The following CNTN5 variants were observed in gnomAD, a reference collection of about 807,000 sequenced individuals.
The protein encoded by CNTN5 is contactin-5.
In CNTN5, 77 loss-of-function variants were observed where a neutral mutation model predicts 129.1. The ratio of observed to expected loss-of-function variants is 0.60; its 90% CI spans 0.50 to 0.72. CNTN5 has a LOEUF of 0.72. Ranked by LOEUF, CNTN5 falls within the 30% of genes least tolerant of loss-of-function variation. CNTN5 has a pLI of 0.00. For synonymous variants in CNTN5, 509 were observed against 465.6 expected (o/e 1.09, Z -1.20); for missense variants, 1,478 against 1,328.8 (o/e 1.11, Z -1.75).
chr11:100,052,175 C>T (rs767031606), intron 9 of CNTN5, among the ~76,000 whole-genome samples: 4 of 151,784 alleles, frequency 2.6e-5, no homozygotes, highest in Admixed American at 2.6e-4. Flanking sequence ...ATAACAAAAT[C>T]CATTATACAC....
chr11:99,636,172 A>C (rs1042645383), intron 3 of CNTN5, among the ~76,000 whole-genome samples: 1 of 152,114 alleles, frequency 6.6e-6, no homozygotes, highest in East Asian at 1.9e-4. Context: ...TAAATCATCT[A>C]AGAACAAAAA....
intron 1 of CNTN5, among the ~76,000 whole-genome samples, chr11:99,173,243 G>C (rs1857616299): frequency 6.6e-6 from 1 of 152,136 alleles, no homozygotes. Context: ...CCTCAAATAA[G>C]AGGACTTTTT....
At chr11:99,552,207 G>GTTTTTTTTTTTTTTTT (rs758718492) in intron 2 of CNTN5, among the ~76,000 whole-genome samples, 3 of 146,742 alleles carry the variant, frequency 2.0e-5, no homozygotes, top group African/African-American at 5.1e-5. Flanking sequence ...CACCTGGTCA[G>GTTTTTTTTTTTTTTTT]TTTTTGTGTT....
chr11:99,613,995 T>C (rs1379554782), intron 3 of CNTN5, among the ~76,000 whole-genome samples: 1 of 152,240 alleles, frequency 6.6e-6, no homozygotes, highest in Non-Finnish European at 1.5e-5. Flanking sequence ...AGAATAATTA[T>C]AAAACTCTGT....
intron 3 of CNTN5, among the ~76,000 whole-genome samples, chr11:99,620,960 A>G (rs1001414225): frequency 4.8e-5 from 7 of 145,362 alleles, no homozygotes; most frequent in East Asian, 2.1e-4. Context: ...AAATAATTCA[A>G]TGGATACTTG....
intron 16 of CNTN5, among the ~76,000 whole-genome samples, chr11:100,252,470 A>C (rs1949983006): frequency 6.6e-6 from 1 of 152,050 alleles, no homozygotes; most frequent in Non-Finnish European, 1.5e-5. Context: ...TTGAGATCTT[A>C]TTCATAAAAT....
chr11:100,084,144 T>C (rs563936090), intron 13 of CNTN5, among the ~76,000 whole-genome samples: 1 of 152,302 alleles, frequency 6.6e-6, no homozygotes, highest in Admixed American at 6.5e-5. Context: ...TACTATAAAT[T>C]GCTTCACAAG....
chr11:99,275,512 C>G lies in CNTN5; in HGVS notation c.-209-49834C>G, dbSNP rs75065740. ...GTGATTATACTTGTTAGGTCTTTCT[C>G]CAACAAAACATCTCAAAACTCATTA... is the stretch of plus-strand genomic sequence containing the variant. On this transcript the variant is annotated intron_variant, in intron 1 of 24. Coordinates refer to ENST00000524871, the MANE Select transcript of CNTN5 (RefSeq NM_014361.4). Among the ~76,000 whole-genome samples, 6 of 151,710 alleles carry G rather than the reference C, an allele frequency of 4.0e-5. No homozygotes were observed. In the South Asian group the frequency reaches 6.2e-4, roughly 16 times the overall value.
chr11:100,112,134 T>C (rs1565251837), intron 13 of CNTN5, among the ~76,000 whole-genome samples: 1 of 152,136 alleles, frequency 6.6e-6, no homozygotes, highest in Non-Finnish European at 1.5e-5. Context: ...GAGTGGAAGA[T>C]GCCTGTGTAA....
At chr11:99,472,649 A>G (rs1945219846) in intron 2 of CNTN5, among the ~76,000 whole-genome samples, 1 of 152,040 alleles carries the variant, frequency 6.6e-6, no homozygotes, top group Non-Finnish European at 1.5e-5. Context: ...TACATGCATT[A>G]GCATATTTCT....
In CNTN5 at chr11:99,844,962, G is replaced by T. The variant is rs760431196; in HGVS notation, c.388G>T (p.Val130Phe). 6 of 1,613,268 alleles carry T rather than the reference G, an allele frequency of 3.7e-6. No individual in the cohort carries two copies. The South Asian group carries it at 6.6e-5, about 18-fold the overall frequency. ...GAATTGTGAAGTTCGTGGCAATCCA[G>T]TTCCCAGTTACAGGTAGGAATTCAC... Reference protein sequence around the residue: ...ALNCEVRGNPVPSYRWLRNGT... With the variant: ...ALNCEVRGNPFPSYRWLRNGT... Residue 130 changes from valine (V) to phenylalanine (F), a missense_variant, in exon 5 of 25, where the codon GTT (valine) becomes TTT (phenylalanine). Transcript: ENST00000524871.
rs551191643 is a variant in CNTN5 at position 100,341,987 on chromosome 11, T to G, written c.3030+782T>G. ...TTCAACTGAAAGCTATCATTATAGG[T>G]GGGTTTTCAACTATCAGAGATGGTA... On this transcript the variant is annotated intron_variant, in intron 23 of 24. Coordinates refer to ENST00000524871, the MANE Select transcript of CNTN5 (RefSeq NM_014361.4). Among the ~76,000 whole-genome samples, 33 of 151,974 alleles carry G rather than the reference T, an allele frequency of 2.2e-4. 2 individuals are homozygous for G. The highest frequency in any genetic ancestry group is 6.5e-4 in the African/African-American group (27 of 41,500).
At chr11:99,059,724 T>G (rs1421890556) in intron 1 of CNTN5, among the ~76,000 whole-genome samples, 1 of 152,120 alleles carries the variant, frequency 6.6e-6, no homozygotes, top group Non-Finnish European at 1.5e-5. Context: ...CTGTTTCATC[T>G]TCTCTCATTA....
At chr11:100,210,819 A>C (rs2138585555) in intron 15 of CNTN5, among the ~76,000 whole-genome samples, 1 of 152,320 alleles carries the variant, frequency 6.6e-6, no homozygotes, top group South Asian at 2.1e-4. Flanking sequence ...TCAATACATA[A>C]AATCAAAAAG....
chr11:99,998,815 C>T (rs1256341277), intron 8 of CNTN5, among the ~76,000 whole-genome samples: 10 of 150,906 alleles, frequency 6.6e-5, no homozygotes, highest in East Asian at 3.9e-4. Context: ...GAGATATAGA[C>T]CAATGGAACA....
chr11:99,152,216 A>G (rs1195173672), intron 1 of CNTN5, among the ~76,000 whole-genome samples: 1 of 152,206 alleles, frequency 6.6e-6, no homozygotes, highest in Non-Finnish European at 1.5e-5. Context: ...TACACTTTCT[A>G]TAATATTTGA....
chr11:99,228,093 A>T (rs551571817), intron 1 of CNTN5, among the ~76,000 whole-genome samples: 1 of 152,242 alleles, frequency 6.6e-6, no homozygotes, highest in African/African-American at 2.4e-5. Context: ...AAAGAGAATT[A>T]CGTTATATAT....
At chr11:99,399,633 A>G (rs1174632354) in intron 2 of CNTN5, among the ~76,000 whole-genome samples, 1 of 151,666 alleles carries the variant, frequency 6.6e-6, no homozygotes, top group Non-Finnish European at 1.5e-5. Context: ...GTGTTGGTGG[A>G]ACAGTGGTGG....
At chr11:99,169,527 C>T (rs1211364700) in intron 1 of CNTN5, among the ~76,000 whole-genome samples, 1 of 151,968 alleles carries the variant, frequency 6.6e-6, no homozygotes, top group African/African-American at 2.4e-5. Context: ...GTTGATGAAA[C>T]CTATGAGCCA....
Sources: allele counts gnomAD v4.1 joint callset (sites outside exome capture counted in the v4.1 genomes callset), GRCh38; gene constraint gnomAD v4.1.1; transcripts MANE v1.5; gene names NCBI Gene and HGNC (gene_info 2026-07-23, HGNC 2026-07-21).